CNTN4: variants seen among roughly 807,000 people sequenced by gnomAD.
CNTN4 encodes contactin 4.
Under a neutral mutation model 122.5 loss-of-function variants are expected in CNTN4, and 77 were observed. The ratio of observed to expected loss-of-function variants is 0.63; its 90% CI spans 0.52 to 0.76. The LOEUF is 0.76. CNTN4 is among the 30% of genes least tolerant of loss of function. The pLI, the probability that CNTN4 is intolerant of heterozygous loss-of-function variation, is 0.00. For synonymous variants in CNTN4, 512 were observed against 447.0 expected (o/e 1.15, Z -1.83); for missense variants, 1,256 against 1,259.1 (o/e 1.00, Z 0.04).
intron 2 of CNTN4, among the ~76,000 whole-genome samples, chr3:2,142,686 T>C (rs1305723862): frequency 6.6e-6 from 1 of 152,142 alleles, no homozygotes; most frequent in Non-Finnish European, 1.5e-5. Context: ...TTCCCCTCCA[T>C]TACCAGTTAA....
At position 2,505,321 on chromosome 3, in the gene CNTN4, G is replaced by C. The variant is rs138622379; in HGVS notation, c.-88-66095G>C. Among the ~76,000 whole-genome samples the C allele has an allele frequency of 3.8e-3, 572 of 152,192 alleles. 3 individuals carry two copies. The highest frequency in any genetic ancestry group is 0.013 in the African/African-American group (549 of 41,516). ...ATCAGAATGTTTATATTGGTTCTAG[G>C]TCAAAGGCATATGTGTATTCATTGT... On this transcript the variant is annotated intron_variant, in intron 3 of 24. Coordinates refer to ENST00000418658, the MANE Select transcript of CNTN4 (RefSeq NM_175607.3).
chr3:2,513,371 T>G lies in CNTN4; in HGVS notation c.-88-58045T>G, dbSNP rs13321588. On this transcript the variant is annotated intron_variant, in intron 3 of 24. Transcript: ENST00000418658. ...ATCTTGTGCAAGATGTGATCTTGTT[T>G]TAAGAGGGATTTATGGATTTTTCTG... Among the ~76,000 whole-genome samples the G allele has an allele frequency of 2.3e-3, 345 of 152,288 alleles. 1 individual carries two copies. The highest frequency in any genetic ancestry group is 7.9e-3 in the African/African-American group (329 of 41,554).
intron 4 of CNTN4, among the ~76,000 whole-genome samples, chr3:2,620,418 T>G (rs1338606065): frequency 6.6e-6 from 1 of 152,132 alleles, no homozygotes; most frequent in Non-Finnish European, 1.5e-5. Flanking sequence ...GAGGATCACC[T>G]GAGCCCAGCA....
chr3:2,736,048 A>G lies in CNTN4; in HGVS notation c.56-167A>G, dbSNP rs78763873. 7.6e-3 allele frequency: 5,807 copies of G among 767,500 alleles called. 50 individuals carry two copies. The highest frequency in any genetic ancestry group is 0.016 in the South Asian group (1,155 of 73,630). The allele number at this position is 767,500 out of a possible 1,614,324, so 47.5% of individuals were successfully genotyped here. ...TTCACTTCATCATAATCCACAGAAG[A>G]TTAACCTTCAATGGGAAATTTTCTT... On this transcript the variant is annotated intron_variant, in intron 4 of 24. Coordinates refer to ENST00000418658, the MANE Select transcript of CNTN4 (RefSeq NM_175607.3).
At chr3:2,571,226 A>G in intron 3 of CNTN4, 190 bp from the exon 4 acceptor site, 1 of 496,744 alleles carries the variant, frequency 2.0e-6, no homozygotes, top group East Asian at 3.8e-5. Context: ...TCCCTGCCCA[A>G]TTATTATCTG....
chr3:2,227,902 C>G (rs571997269), intron 2 of CNTN4, among the ~76,000 whole-genome samples: 1 of 152,206 alleles, frequency 6.6e-6, no homozygotes, highest in African/African-American at 2.4e-5. Context: ...ATATGTTTAA[C>G]AAACACTCAA....
At chr3:2,996,114 A>G (rs116687233) in intron 14 of CNTN4, among the ~76,000 whole-genome samples, 1 of 152,120 alleles carries the variant, frequency 6.6e-6, no homozygotes, top group Non-Finnish European at 1.5e-5. Flanking sequence ...TGGAGGGAGG[A>G]TGCCTGGAGT....
chr3:2,804,292 G>T (rs958706782), intron 6 of CNTN4, among the ~76,000 whole-genome samples: 3 of 152,018 alleles, frequency 2.0e-5, no homozygotes. Flanking sequence ...TTCTTTGTTT[G>T]CCTAATATGT....
At chr3:2,955,379 G>A (rs371254) in intron 13 of CNTN4, among the ~76,000 whole-genome samples, 83,404 of 151,702 alleles carry the variant, frequency 0.55, 23,321 homozygotes, top group South Asian at 0.73. Context: ...TTCTGATTTT[G>A]AGTGACAAAA....
chr3:2,310,369 G>T (rs992767993), intron 2 of CNTN4, among the ~76,000 whole-genome samples: 6 of 152,120 alleles, frequency 3.9e-5, no homozygotes, highest in African/African-American at 1.2e-4. Context: ...ATCTGCATGA[G>T]AAATTTTTCT....
At chr3:2,652,018 G>GT (rs2083386132) in intron 4 of CNTN4, among the ~76,000 whole-genome samples, 2 of 151,080 alleles carry the variant, frequency 1.3e-5, no homozygotes, top group East Asian at 1.9e-4. Context: ...AAAAAAAGGT[G>GT]TTGTTTTTTT....
chr3:2,261,225 A>G (rs991005551), intron 2 of CNTN4, among the ~76,000 whole-genome samples: 9 of 152,276 alleles, frequency 5.9e-5, no homozygotes, highest in East Asian at 5.8e-4. Context: ...TAGTTACTCA[A>G]AGTTGTTACA....
intron 4 of CNTN4, among the ~76,000 whole-genome samples, chr3:2,632,326 T>C (rs1482678801): frequency 6.6e-6 from 1 of 152,184 alleles, no homozygotes; most frequent in Non-Finnish European, 1.5e-5. Flanking sequence ...GACTGACATA[T>C]GACATTTCGG....
At chr3:2,207,040 A>C (rs989522169) in intron 2 of CNTN4, among the ~76,000 whole-genome samples, 3 of 151,894 alleles carry the variant, frequency 2.0e-5, no homozygotes, top group African/African-American at 7.3e-5. Context: ...TTATATTGTT[A>C]CAGTGATTTA....
chr3:2,774,044 GC>G (rs1389176645), intron 6 of CNTN4, among the ~76,000 whole-genome samples: 1 of 152,112 alleles, frequency 6.6e-6, no homozygotes, highest in Non-Finnish European at 1.5e-5. Flanking sequence ...ACAGGCATAA[GC>G]CACCATGCCC....
Position 2,709,031 on chromosome 3 carries a change from A to G in CNTN4, c.56-27184A>G, listed in dbSNP as rs1443934307. Among the ~76,000 whole-genome samples, 2 of 152,154 alleles carry G rather than the reference A, an allele frequency of 1.3e-5. No homozygotes were observed. Among genetic ancestry groups the G allele is most frequent in the East Asian group, 3.9e-4 (2 of 5,186 alleles). On this transcript the variant is annotated intron_variant, in intron 4 of 24. Coordinates refer to ENST00000418658, the MANE Select transcript of CNTN4 (RefSeq NM_175607.3). The surrounding 1 kb of genome is among the most constrained non-coding windows in gnomAD (Gnocchi z 5.0). ...TACTTGGATCTTCAGAATACATGAT[A>G]TATCTCTTCTCAGATATCTCATAGA...
intron 3 of CNTN4, among the ~76,000 whole-genome samples, chr3:2,471,622 T>C (rs1387185233): frequency 6.6e-6 from 1 of 152,214 alleles, no homozygotes; most frequent in Non-Finnish European, 1.5e-5. Context: ...TTGTAAATCA[T>C]CTGGCTTTGT....
At chr3:2,588,923 T>A (rs1483294363) in intron 4 of CNTN4, among the ~76,000 whole-genome samples, 1 of 152,182 alleles carries the variant, frequency 6.6e-6, no homozygotes, top group Non-Finnish European at 1.5e-5. Flanking sequence ...GGTAAATATT[T>A]GTTGTGTATT....
chr3:2,139,900 C>G (rs2034908387), intron 2 of CNTN4, among the ~76,000 whole-genome samples: 1 of 152,226 alleles, frequency 6.6e-6, no homozygotes, highest in African/African-American at 2.4e-5. Context: ...TGTCTGTGTA[C>G]CCACCCAAAT....
Sources: allele counts gnomAD v4.1 joint callset (sites outside exome capture counted in the v4.1 genomes callset), GRCh38; gene constraint gnomAD v4.1.1; non-coding constraint Gnocchi (gnomAD v3.1); transcripts MANE v1.5; gene names NCBI Gene and HGNC (gene_info 2026-07-23, HGNC 2026-07-21).